The following SDK2 variants were observed in gnomAD, a reference collection of about 807,000 sequenced individuals.
SDK2 encodes the protein protein sidekick-2.
In SDK2, 105 loss-of-function variants were observed where a neutral mutation model predicts 253.9. That is an observed-to-expected ratio of 0.41 (90% CI 0.35 to 0.49). The LOEUF (loss-of-function observed/expected upper bound fraction) is 0.49, where lower values mean the gene tolerates loss of function less well. Ranked by LOEUF, SDK2 falls within the 20% of genes least tolerant of loss-of-function variation. The probability of loss-of-function intolerance (pLI) is 0.06; values close to 1 mark genes in which losing one functional copy is unlikely to be tolerated. For synonymous variants in SDK2, 1,249 were observed against 1,234.9 expected, an observed-to-expected ratio of 1.01 and a Z score of -0.24; for missense variants, 2,608 against 3,003.0, an observed-to-expected ratio of 0.87 and a Z score of 3.07.
intron 8 of SDK2, among the ~76,000 whole-genome samples, chr17:73,437,141 C>T (rs1276999715): frequency 6.6e-6 from 1 of 152,178 alleles, no homozygotes; most frequent in Non-Finnish European, 1.5e-5. Flanking sequence ...CCTGCAGAGA[C>T]ACATTTTGCC....
At chr17:73,476,723 T>G (rs1394930365) in intron 2 of SDK2, among the ~76,000 whole-genome samples, 4 of 152,166 alleles carry the variant, frequency 2.6e-5, no homozygotes, top group Non-Finnish European at 4.4e-5. Flanking sequence ...GCTTAAGCGA[T>G]CCTCCTGCCT....
At position 73,534,364 on chromosome 17, in the gene SDK2, G is replaced by A. The variant is rs2145809102; in HGVS notation, c.65-26767C>T. On this transcript the variant is annotated intron_variant, in intron 1 of 44. Transcript: ENST00000392650. The surrounding 1 kb of genome is among the most constrained non-coding windows in gnomAD (Gnocchi z 4.9). ...ATGATTCTGAGGAAGGTGGCACTGG[G>A]CAAGGCAGGGACCAGGAAAAAAGCA... Among the ~76,000 whole-genome samples the A allele has an allele frequency of 6.6e-6, 1 of 152,296 alleles. No homozygotes were observed. Among genetic ancestry groups the A allele is most frequent in the Non-Finnish European group, 1.5e-5 (1 of 68,030 alleles).
chr17:73,609,026 A>G lies in SDK2; in HGVS notation c.64+34999T>C, dbSNP rs2045942214. On this transcript the variant is annotated intron_variant, in intron 1 of 44. Transcript: ENST00000392650. The surrounding 1 kb of genome is among the most constrained non-coding windows in gnomAD (Gnocchi z 4.4). Reference sequence around the variant, plus strand: ...GATGTGGGGTGTAAGAGAAAGAGTCAAGGGTTAGCCTTGAGGTTTGGGCTG... The same window carrying G: ...GATGTGGGGTGTAAGAGAAAGAGTCGAGGGTTAGCCTTGAGGTTTGGGCTG... 6.6e-6 allele frequency among the ~76,000 whole-genome samples: 1 copy of G among 152,234 alleles called. No homozygotes were observed. The highest frequency in any genetic ancestry group is 1.5e-5 in the Non-Finnish European group (1 of 68,048).
chr17:73,414,051 C>CTT (rs767123645), intron 18 of SDK2, among the ~76,000 whole-genome samples: 3 of 143,686 alleles, frequency 2.1e-5, no homozygotes, highest in Admixed American at 7.0e-5. Flanking sequence ...TCTCTCTCTT[C>CTT]TTTTTTTTTT....
chr17:73,476,712 G>A (rs542170963), intron 2 of SDK2, among the ~76,000 whole-genome samples: 7 of 152,248 alleles, frequency 4.6e-5, no homozygotes, highest in Admixed American at 3.9e-4. Flanking sequence ...CAGACTCCTG[G>A]GCTTAAGCGA....
intron 29 of SDK2, among the ~76,000 whole-genome samples, chr17:73,389,996 G>A (rs921018652): frequency 1.3e-5 from 2 of 152,184 alleles, no homozygotes; most frequent in African/African-American, 4.8e-5. Context: ...TGATCCACCC[G>A]CCTTGGCCTC....
At chr17:73,419,943 C>G (rs1599549024) in intron 15 of SDK2, among the ~76,000 whole-genome samples, 4 of 151,984 alleles carry the variant, frequency 2.6e-5, no homozygotes, top group Admixed American at 6.6e-5. Context: ...GTTTCAGTTT[C>G]CTATTTGTCA....
intron 1 of SDK2, chr17:73,518,156 G>A (rs2064044828): frequency 6.6e-6 from 1 of 152,216 alleles, no homozygotes; most frequent in African/African-American, 2.4e-5. Flanking sequence ...CTCCCTTCTT[G>A]GGAGTGGACC....
intron 30 of SDK2, 151 bp downstream of exon 30, chr17:73,387,685 G>A: frequency 1.6e-6 from 1 of 641,564 alleles, no homozygotes. Flanking sequence ...GGGTGAGAGT[G>A]GACGCGGGGG....
At chr17:73,508,004 T>C (rs1201622392) in intron 1 of SDK2, among the ~76,000 whole-genome samples, 1 of 152,148 alleles carries the variant, frequency 6.6e-6, no homozygotes, top group Admixed American at 6.5e-5. Flanking sequence ...ACAAGGAGAA[T>C]AGGGAGGCAG....
chr17:73,378,298 C>A (rs540947919), intron 36 of SDK2, among the ~76,000 whole-genome samples: 3 of 152,166 alleles, frequency 2.0e-5, no homozygotes, highest in African/African-American at 4.8e-5. Flanking sequence ...GTCAGGTTCT[C>A]ACTATGTTGC....
Position 73,335,140 on chromosome 17 carries a change from C to T in SDK2, c.*3447G>A. ...CAGAAGGGGAGGCAGCCTGGGTTTGCAAACTCTCTGGAGCCCTAGGAGGAT... is the reference window on the plus strand; with the variant it reads ...CAGAAGGGGAGGCAGCCTGGGTTTGTAAACTCTCTGGAGCCCTAGGAGGAT... On this transcript the variant is annotated 3_prime_UTR_variant, in exon 45 of 45. Transcript: ENST00000392650. 1 of 152,770 alleles carries T rather than the reference C, an allele frequency of 6.5e-6. No homozygotes were observed. The highest frequency in any genetic ancestry group is 1.5e-5 in the Non-Finnish European group (1 of 68,348). 9.5% of individuals were successfully genotyped at this position (152,770 alleles called of 1,614,324 possible).
chr17:73,375,055 G>A (rs575582561), intron 36 of SDK2, among the ~76,000 whole-genome samples: 6 of 151,938 alleles, frequency 3.9e-5, no homozygotes, highest in African/African-American at 1.4e-4. Flanking sequence ...CTCCCATTGC[G>A]CTCCCTGGAA....
chr17:73,531,676 C>T lies in SDK2; in HGVS notation c.65-24079G>A, dbSNP rs2064170188. Among the ~76,000 whole-genome samples the T allele has an allele frequency of 2.6e-5, 4 of 152,206 alleles. No homozygotes were observed. The South Asian group carries it at 6.2e-4, about 24-fold the overall frequency. On this transcript the variant is annotated intron_variant, in intron 1 of 44. Coordinates refer to ENST00000392650, the MANE Select transcript of SDK2 (RefSeq NM_001144952.2). Reference sequence around the variant, plus strand: ...TAAAGGTATTTCTAACCATGTGCTTCCTGTTCAAATTCCTTCAATGGCACT... The same window carrying T: ...TAAAGGTATTTCTAACCATGTGCTTTCTGTTCAAATTCCTTCAATGGCACT...
intron 28 of SDK2, 111 bp from the exon 29 acceptor site, chr17:73,390,592 T>G: frequency 8.9e-7 from 1 of 1,126,190 alleles, no homozygotes; most frequent in Non-Finnish European, 1.2e-6. Flanking sequence ...ATGGCCACCT[T>G]GCCGTGGTCC....
At chr17:73,610,296 C>T (rs545173162) in intron 1 of SDK2, among the ~76,000 whole-genome samples, 6 of 152,288 alleles carry the variant, frequency 3.9e-5, no homozygotes, top group South Asian at 2.1e-4. Context: ...AGGAGAGATG[C>T]GGAGGCCCAG....
At position 73,447,728 on chromosome 17, in the gene SDK2, G is replaced by A. The variant is rs373138328; in HGVS notation, c.500C>T (p.Thr167Ile). ...GGCCACCGTTGACAGGATGACAAGG[G>A]TGTTCTCCAGCGTGATGGCTCTGGG... ...SSRIAITLENTLVILSTVAPD... is the reference protein window; with the variant it reads ...SSRIAITLENILVILSTVAPD... The change falls in exon 5 of 45, where the codon ACC (threonine) becomes ATC (isoleucine). Residue 167 changes from threonine (T) to isoleucine (I), a missense_variant. Transcript: ENST00000392650. The surrounding 1 kb of genome is among the most constrained non-coding windows in gnomAD (Gnocchi z 4.0). 5 of 1,551,746 alleles carry A rather than the reference G, an allele frequency of 3.2e-6. No individual in the cohort carries two copies. In the South Asian group the frequency reaches 3.6e-5, roughly 11 times the overall value.
intron 4 of SDK2, among the ~76,000 whole-genome samples, chr17:73,451,775 T>C (rs1434698014): frequency 2.6e-5 from 4 of 152,168 alleles, no homozygotes; most frequent in African/African-American, 7.2e-5. Flanking sequence ...ATCTCGTTGA[T>C]AGACATTCCT....
At chr17:73,437,676 T>C in intron 8 of SDK2, 63 bp downstream of exon 8, 2 of 1,328,848 alleles carry the variant, frequency 1.5e-6, no homozygotes, top group Non-Finnish European at 2.2e-6. Flanking sequence ...ATGTCCACAA[T>C]GAGGATGGGA....
Sources: gnomAD v4.1 joint callset for allele counts (sites outside exome capture counted in the v4.1 genomes callset) on GRCh38, gnomAD v4.1.1 for gene constraint, Gnocchi (gnomAD v3.1) non-coding constraint, MANE v1.5 for transcripts, NCBI Gene and HGNC (gene_info 2026-07-23, HGNC 2026-07-21) for gene names.